Variants in BMP2K observed in about 807,000 individuals in gnomAD.
BMP2K encodes BMP2 inducible kinase.
Under a neutral mutation model 116.0 loss-of-function variants are expected in BMP2K, and 74 were observed. The observed-to-expected ratio is 0.64, with a 90% CI of 0.53 to 0.77. The LOEUF is 0.77. Among genes scored for constraint, BMP2K ranks in the 30% least tolerant of loss-of-function variants. The pLI is 0.00. For synonymous variants in BMP2K, 486 were observed against 502.5 expected (o/e 0.97, Z 0.44); for missense variants, 1,365 against 1,403.6 (o/e 0.97, Z 0.44).
chr4:78,880,853 G>A (rs139069013), intron 14 of BMP2K, among the ~76,000 whole-genome samples: 7 of 152,316 alleles, frequency 4.6e-5, no homozygotes, highest in African/African-American at 1.7e-4. Context: ...AGACTTTGCA[G>A]TATTAATTAC....
chr4:78,847,350 C>T, intron 6 of BMP2K, 81 bp downstream of exon 6: 1 of 985,940 alleles, frequency 1.0e-6, no homozygotes, highest in Non-Finnish European at 1.4e-6. Flanking sequence ...CTCTGCTCCC[C>T]AAAAGGCATT....
At chr4:78,822,423 A>G (rs1236007772) in intron 1 of BMP2K, among the ~76,000 whole-genome samples, 1 of 152,148 alleles carries the variant, frequency 6.6e-6, no homozygotes, top group Non-Finnish European at 1.5e-5. Context: ...ATTTAGTTAT[A>G]CAATTTATGT....
At chr4:78,807,555 CT>C (rs1287644792) in intron 1 of BMP2K, among the ~76,000 whole-genome samples, 6 of 151,204 alleles carry the variant, frequency 4.0e-5, no homozygotes, top group South Asian at 2.1e-4. Flanking sequence ...TTGGGCTTTT[CT>C]TTTTTTCTTT....
At chr4:78,855,018 A>G (rs1731438575) in intron 7 of BMP2K, among the ~76,000 whole-genome samples, 1 of 152,096 alleles carries the variant, frequency 6.6e-6, no homozygotes, top group Non-Finnish European at 1.5e-5. Flanking sequence ...CTGGGTTTCT[A>G]CTTGTAGAGA....
chr4:78,870,865 C>G lies in BMP2K; in HGVS notation c.1314C>G (p.Leu438=), dbSNP rs1223306450. ...AGCCGCCACAGCAGCATAGAGTACT[C>G]CAGCAACTACAGCAGGGAGATTGGA... ...PQQPPQQHRV[L]QQLQQGDWRL... Residue 438 remains leucine, a synonymous_variant, in exon 11 of 16, where the codon CTC becomes CTG. Coordinates refer to ENST00000502613, the MANE Select transcript of BMP2K (RefSeq NM_198892.2). 1.9e-6 allele frequency: 3 copies of G among 1,613,670 alleles called. No homozygotes were observed. Among genetic ancestry groups the G allele is most frequent in the Non-Finnish European group, 2.5e-6 (3 of 1,179,930 alleles).
chr4:78,815,899 A>G (rs913034539), intron 1 of BMP2K, among the ~76,000 whole-genome samples: 1 of 152,170 alleles, frequency 6.6e-6, no homozygotes, highest in Non-Finnish European at 1.5e-5. Flanking sequence ...AAACTTAAAA[A>G]AATATTGATG....
intron 9 of BMP2K, among the ~76,000 whole-genome samples, chr4:78,862,903 G>A (rs1314472776): frequency 6.6e-6 from 1 of 152,036 alleles, no homozygotes; most frequent in Non-Finnish European, 1.5e-5. Context: ...AGCATCCACT[G>A]TTATAGTTGA....
At chr4:78,833,717 TAAA>T in intron 3 of BMP2K, 30 bp downstream of exon 3, 1 of 1,501,882 alleles carries the variant, frequency 6.7e-7, no homozygotes, top group South Asian at 1.2e-5. Context: ...TGTACTGTAA[TAAA>T]AAGTTTCTCC....
At chr4:78,794,812 C>T (rs776939009) in intron 1 of BMP2K, among the ~76,000 whole-genome samples, 20 of 152,180 alleles carry the variant, frequency 1.3e-4, no homozygotes, top group Non-Finnish European at 2.4e-4. Context: ...ATTCTCCCAC[C>T]TGGGCCTCCC....
intron 1 of BMP2K, among the ~76,000 whole-genome samples, chr4:78,806,904 AG>A (rs1240925705): frequency 6.7e-6 from 1 of 149,876 alleles, no homozygotes; most frequent in African/African-American, 2.5e-5. Flanking sequence ...GCTGGAGTGC[AG>A]TGGCATGTCC....
chr4:78,888,312 G>C (rs1733214799), intron 15 of BMP2K, among the ~76,000 whole-genome samples: 1 of 152,166 alleles, frequency 6.6e-6, no homozygotes, highest in Non-Finnish European at 1.5e-5. Flanking sequence ...TACTGTGTCT[G>C]TTTACTTATT....
chr4:78,805,799 G>C, intron 1 of BMP2K, among the ~76,000 whole-genome samples: 1 of 151,996 alleles, frequency 6.6e-6, no homozygotes, highest in Non-Finnish European at 1.5e-5. Context: ...GTGAAACCTC[G>C]TCTCTACTAA....
At chr4:78,897,413 G>A (rs1733759068) in intron 15 of BMP2K, among the ~76,000 whole-genome samples, 1 of 151,942 alleles carries the variant, frequency 6.6e-6, no homozygotes, top group Non-Finnish European at 1.5e-5. Context: ...AGATTATGTA[G>A]CAATGTACAA....
intron 1 of BMP2K, among the ~76,000 whole-genome samples, chr4:78,806,945 T>C (rs1728851217): frequency 6.6e-6 from 1 of 151,712 alleles, no homozygotes; most frequent in Non-Finnish European, 1.5e-5. Context: ...ACCTCCCAGG[T>C]TCAAGCAATT....
intron 1 of BMP2K, among the ~76,000 whole-genome samples, chr4:78,799,334 T>C (rs1408722070): frequency 6.6e-6 from 1 of 152,150 alleles, no homozygotes; most frequent in Non-Finnish European, 1.5e-5. Flanking sequence ...AACCTACATA[T>C]GGTTTCAGAT....
intron 1 of BMP2K, among the ~76,000 whole-genome samples, chr4:78,779,632 A>G (rs901677061): frequency 2.0e-5 from 3 of 152,230 alleles, no homozygotes; most frequent in African/African-American, 7.2e-5. Flanking sequence ...AATGTTAGTG[A>G]GTAGATGAAT....
chr4:78,798,842 C>G (rs1350698730), intron 1 of BMP2K, among the ~76,000 whole-genome samples: 5 of 152,216 alleles, frequency 3.3e-5, no homozygotes, highest in African/African-American at 1.2e-4. Flanking sequence ...TGAGAGAATA[C>G]AAGCTGAGAG....
At chr4:78,859,097 G>A (rs1368027191) in intron 7 of BMP2K, 1 of 151,922 alleles carries the variant, frequency 6.6e-6, no homozygotes, top group Non-Finnish European at 1.5e-5. Flanking sequence ...TATGTTTTTG[G>A]AAAACGACAG....
At position 78,842,527 on chromosome 4, in the gene BMP2K, G is replaced by A; in HGVS notation, c.546G>A (p.Lys182=). 1.3e-6 allele frequency: 2 copies of A among 1,568,844 alleles called. No individual in the cohort carries two copies. The highest frequency in any genetic ancestry group is 2.3e-5 in the East Asian group (1 of 44,204). The change falls in exon 4 of 16, where the codon AAG becomes AAA. Residue 182 remains lysine (K), a splice_region_variant and synonymous_variant. Transcript: ENST00000502613. The part of the protein sequence containing the change: ...CKTPIIHRDL[K]VENILLNDGG... ...CTCCAATAATTCACCGGGATCTGAAGGTAAGAACTTTAGAATTCCTATGGA... is the reference window on the plus strand; with the variant it reads ...CTCCAATAATTCACCGGGATCTGAAAGTAAGAACTTTAGAATTCCTATGGA...
Sources: allele counts gnomAD v4.1 joint callset (sites outside exome capture counted in the v4.1 genomes callset), GRCh38; gene constraint gnomAD v4.1.1; transcripts MANE v1.5; gene names NCBI Gene and HGNC (gene_info 2026-07-23, HGNC 2026-07-21).